C1orf87: variants seen among roughly 807,000 people sequenced by gnomAD.
C1orf87 encodes the protein uncharacterized protein C1orf87.
In C1orf87, 58 loss-of-function variants were observed where a neutral mutation model predicts 60.5. The ratio of observed to expected loss-of-function variants is 0.96; its 90% CI spans 0.78 to 1.19. The LOEUF (loss-of-function observed/expected upper bound fraction) is 1.19, where lower values mean the gene tolerates loss of function less well. Among genes scored for constraint, C1orf87 ranks in the 50% most tolerant of loss-of-function variants. The pLI is 0.00. For synonymous variants in C1orf87, 236 were observed against 227.4 expected (o/e 1.04, Z -0.34); for missense variants, 673 against 638.6 (o/e 1.05, Z -0.58).
intron 8 of C1orf87, among the ~76,000 whole-genome samples, chr1:60,022,111 T>C (rs1397303471): frequency 9.4e-6 from 1 of 106,520 alleles, no homozygotes; most frequent in Non-Finnish European, 2.2e-5. Flanking sequence ...GGACTTTGAT[T>C]TTTTTTTTTT....
chr1:60,015,191 G>A (rs574062161), intron 8 of C1orf87, among the ~76,000 whole-genome samples: 3 of 152,108 alleles, frequency 2.0e-5, no homozygotes, highest in Admixed American at 6.6e-5. Flanking sequence ...TGATTAGGCC[G>A]TGGGGGCAGA....
At chr1:60,072,977 G>A (rs921044809) in intron 1 of C1orf87, among the ~76,000 whole-genome samples, 7 of 152,204 alleles carry the variant, frequency 4.6e-5, no homozygotes, top group African/African-American at 1.7e-4. Context: ...GAATCATTAG[G>A]TGACTCTACC....
intron 11 of C1orf87, among the ~76,000 whole-genome samples, chr1:59,995,451 G>T (rs1430927757): frequency 1.3e-5 from 2 of 152,074 alleles, no homozygotes; most frequent in Non-Finnish European, 2.9e-5. Context: ...ATCCCTTAGG[G>T]TTCATAATAG....
At chr1:60,029,304 G>C (rs765815814) in intron 7 of C1orf87, among the ~76,000 whole-genome samples, 2 of 152,042 alleles carry the variant, frequency 1.3e-5, no homozygotes, top group African/African-American at 4.8e-5. Flanking sequence ...TTCTTGCCTG[G>C]ATTATTGAAA....
intron 2 of C1orf87, among the ~76,000 whole-genome samples, chr1:60,056,188 G>A (rs1645455113): frequency 6.6e-6 from 1 of 152,018 alleles, no homozygotes; most frequent in African/African-American, 2.4e-5. Flanking sequence ...AGGTTGCAGT[G>A]AGCCGAGATC....
chr1:59,997,715 G>T lies in C1orf87; in HGVS notation c.1374C>A (p.Pro458=). 6.2e-7 allele frequency: 1 copy of T among 1,613,962 alleles called. No individual in the cohort carries two copies. Among genetic ancestry groups the T allele is most frequent in the Non-Finnish European group, 8.5e-7 (1 of 1,179,904 alleles). ...TGTTCTTCACAGCTGGATTCACGAA[G>T]GGCTGGGAGACTGGCCTGATCTTTA... ...KPLKIRPVSQ[P]FVNPAVKNKA... Residue 458 remains proline (P), a synonymous_variant, in exon 11 of 12, where the codon CCC becomes CCA. Coordinates refer to ENST00000371201, the MANE Select transcript of C1orf87 (RefSeq NM_152377.3).
intron 4 of C1orf87, 151 bp from the exon 5 acceptor site, chr1:60,040,331 G>A (rs1317914912): frequency 1.2e-5 from 11 of 937,180 alleles, no homozygotes; most frequent in Admixed American, 1.1e-4. Flanking sequence ...CTGAAGGTGA[G>A]CATTCAATCT....
chr1:60,033,736 T>A, intron 6 of C1orf87, 95 bp from the exon 7 acceptor site: 2 of 1,399,448 alleles, frequency 1.4e-6, no homozygotes, highest in Admixed American at 2.1e-5. Flanking sequence ...TGCTACACAC[T>A]ATGGAACCAG....
chr1:60,050,329 G>T (rs1645405087), intron 3 of C1orf87, among the ~76,000 whole-genome samples: 1 of 151,946 alleles, frequency 6.6e-6, no homozygotes, highest in East Asian at 1.9e-4. Flanking sequence ...TTCTCATACA[G>T]GTTTGGACAT....
chr1:60,034,608 G>A (rs1455561709), intron 6 of C1orf87, among the ~76,000 whole-genome samples: 1 of 152,234 alleles, frequency 6.6e-6, no homozygotes, highest in Non-Finnish European at 1.5e-5. Context: ...CACCATGGGT[G>A]ATTTCAGGCT....
At chr1:60,060,105 T>G (rs1645485172) in intron 2 of C1orf87, among the ~76,000 whole-genome samples, 1 of 150,428 alleles carries the variant, frequency 6.6e-6, no homozygotes, top group South Asian at 2.1e-4. Flanking sequence ...TTTTTTTTTA[T>G]GTCATGGAAC....
At chr1:60,009,156 G>C (rs1645065771) in intron 9 of C1orf87, among the ~76,000 whole-genome samples, 1 of 152,046 alleles carries the variant, frequency 6.6e-6, no homozygotes, top group Non-Finnish European at 1.5e-5. Flanking sequence ...TCTAGATTAG[G>C]GCAGGCCCTA....
chr1:60,043,051 A>C (rs1309939484), intron 3 of C1orf87, among the ~76,000 whole-genome samples: 1 of 152,240 alleles, frequency 6.6e-6, no homozygotes, highest in Non-Finnish European at 1.5e-5. Flanking sequence ...AGAGGATTAC[A>C]GGAAGAGTGA....
chr1:59,994,370 C>T (rs929726746), intron 11 of C1orf87, among the ~76,000 whole-genome samples: 1 of 151,800 alleles, frequency 6.6e-6, no homozygotes, highest in African/African-American at 2.4e-5. Context: ...TATGGCTCAC[C>T]ATCCTACTGG....
chr1:60,013,745 A>C (rs947541397), intron 8 of C1orf87, among the ~76,000 whole-genome samples: 4 of 151,360 alleles, frequency 2.6e-5, no homozygotes, highest in Admixed American at 2.0e-4. Context: ...AGTACAACCC[A>C]GCAGATGAGC....
intron 9 of C1orf87, among the ~76,000 whole-genome samples, chr1:60,002,069 G>A (rs987594587): frequency 3.9e-5 from 6 of 151,938 alleles, no homozygotes; most frequent in Admixed American, 3.9e-4. Context: ...CAGGTTTCTG[G>A]GAGCCTCAGC....
At chr1:60,070,666 T>A (rs938952162) in intron 2 of C1orf87, among the ~76,000 whole-genome samples, 1 of 152,106 alleles carries the variant, frequency 6.6e-6, no homozygotes, top group Non-Finnish European at 1.5e-5. Flanking sequence ...AAAATATCCA[T>A]CTTACTACCT....
chr1:60,022,783 GC>G (rs1645173001), intron 8 of C1orf87, among the ~76,000 whole-genome samples: 1 of 151,924 alleles, frequency 6.6e-6, no homozygotes, highest in African/African-American at 2.4e-5. Flanking sequence ...AAGCAAATAA[GC>G]AAAATAAGAA....
intron 11 of C1orf87, among the ~76,000 whole-genome samples, chr1:59,994,732 G>A (rs1644951380): frequency 6.6e-6 from 1 of 152,136 alleles, no homozygotes; most frequent in African/African-American, 2.4e-5. Context: ...AAGCACAGTA[G>A]GTTCCCAGAA....
Sources: gnomAD v4.1 joint callset for allele counts (sites outside exome capture counted in the v4.1 genomes callset) on GRCh38, gnomAD v4.1.1 for gene constraint, MANE v1.5 for transcripts, NCBI Gene and HGNC (gene_info 2026-07-23, HGNC 2026-07-21) for gene names.